STK3: variants seen among roughly 807,000 people sequenced by gnomAD.
STK3 encodes the protein serine/threonine kinase 3.
A neutral mutation model predicts 58.0 loss-of-function variants in STK3; 41 were observed. The observed-to-expected ratio is 0.71, with a 90% CI of 0.55 to 0.92. The LOEUF (loss-of-function observed/expected upper bound fraction) is 0.92. STK3 is among the 40% of genes least tolerant of loss of function. The probability of loss-of-function intolerance (pLI) is 0.00; values close to 1 mark genes in which losing one functional copy is unlikely to be tolerated. For missense variants in STK3, 479 were observed against 602.7 expected (o/e 0.79, Z 2.15); for synonymous variants, 170 against 191.0 (o/e 0.89, Z 0.91).
At chr8:98,515,423 G>T (rs954503678) in intron 10 of STK3, among the ~76,000 whole-genome samples, 7 of 152,040 alleles carry the variant, frequency 4.6e-5, no homozygotes, top group Non-Finnish European at 8.8e-5. Flanking sequence ...TGTGTTGCTG[G>T]CTAAGCCAAC....
chr8:98,886,632 T>A (rs533534557), intron 1 of STK3, among the ~76,000 whole-genome samples: 195 of 152,330 alleles, frequency 1.3e-3, no homozygotes, highest in African/African-American at 4.3e-3. Context: ...TATACTACTT[T>A]TATAATGTAA....
At chr8:98,350,576 T>A in the STK3 span, among the ~76,000 whole-genome samples, 1 of 152,210 alleles carries the variant, frequency 6.6e-6, no homozygotes, top group Non-Finnish European at 1.5e-5. Context: ...TACCTGAGAC[T>A]GGGAAATTTA....
chr8:98,549,262 C>A (rs1810971658), intron 8 of STK3, among the ~76,000 whole-genome samples: 1 of 152,206 alleles, frequency 6.6e-6, no homozygotes, highest in African/African-American at 2.4e-5. Flanking sequence ...TCCTTGGCAA[C>A]ACTTGTTATT....
chr8:98,656,804 A>T (rs979934517), intron 6 of STK3, among the ~76,000 whole-genome samples: 5 of 152,080 alleles, frequency 3.3e-5, no homozygotes, highest in African/African-American at 1.2e-4. Flanking sequence ...CAAGGCCTCA[A>T]TTCTGATTCA....
At chr8:98,482,797 G>A (rs145274645) in intron 10 of STK3, among the ~76,000 whole-genome samples, 5 of 152,072 alleles carry the variant, frequency 3.3e-5, no homozygotes, top group East Asian at 1.9e-4. Context: ...GTGAGGTGCC[G>A]TATTTCTAAG....
At chr8:98,939,189 T>C (rs1211158276) in intron 1 of STK3, among the ~76,000 whole-genome samples, 1 of 152,138 alleles carries the variant, frequency 6.6e-6, no homozygotes, top group Non-Finnish European at 1.5e-5. Flanking sequence ...GCGTGCATTC[T>C]CTCGAGTGAA....
chr8:98,456,124 T>A, intron 10 of STK3, 124 bp from the exon 11 acceptor site: 1 of 1,001,586 alleles, frequency 1.0e-6, no homozygotes, highest in South Asian at 1.8e-5. Flanking sequence ...ATTCTTTACA[T>A]CATCTTTGAA....
chr8:98,918,492 G>A (rs778219792), intron 1 of STK3, among the ~76,000 whole-genome samples: 6 of 152,146 alleles, frequency 3.9e-5, no homozygotes, highest in East Asian at 1.9e-4. Context: ...AAAGAAGATC[G>A]GGTGTGGTGG....
At chr8:98,693,578 A>C (rs555450606) in intron 6 of STK3, among the ~76,000 whole-genome samples, 41 of 152,112 alleles carry the variant, frequency 2.7e-4, no homozygotes, top group Non-Finnish European at 3.8e-4. Flanking sequence ...CAGTCCTGCC[A>C]ACACTTTGAT....
At chr8:98,922,435 T>C (rs1397275180) in intron 1 of STK3, among the ~76,000 whole-genome samples, 1 of 152,238 alleles carries the variant, frequency 6.6e-6, no homozygotes, top group African/African-American at 2.4e-5. Context: ...ACAATTAGTC[T>C]CATTTTATTT....
At chr8:98,663,338 T>A in intron 6 of STK3, among the ~76,000 whole-genome samples, 1 of 152,136 alleles carries the variant, frequency 6.6e-6, no homozygotes, top group East Asian at 1.9e-4. Flanking sequence ...CTCACACCAG[T>A]TAGAATGGCA....
chr8:98,766,875 C>A lies in STK3; in HGVS notation c.236+368G>T, dbSNP rs568310797. On this transcript the variant is annotated intron_variant, in intron 3 of 10. Transcript: ENST00000419617. ...TGGTAGCTCACGCCTGTAATCCCAG[C>A]ACTTTGGGAGGCCAAGGCGGGTGGA... Among the ~76,000 whole-genome samples, 243 of 152,282 alleles carry A rather than the reference C, an allele frequency of 1.6e-3. 1 individual carries two copies. The highest frequency in any genetic ancestry group is 5.3e-3 in the African/African-American group (220 of 41,548).
At chr8:98,933,153 A>C (rs1287931002) in intron 1 of STK3, among the ~76,000 whole-genome samples, 1 of 152,200 alleles carries the variant, frequency 6.6e-6, no homozygotes, top group African/African-American at 2.4e-5. Flanking sequence ...TTGTATTCTA[A>C]AGAGTCAGCA....
intron 7 of STK3, among the ~76,000 whole-genome samples, chr8:98,585,276 G>A (rs1175901959): frequency 1.3e-5 from 2 of 152,126 alleles, no homozygotes. Context: ...TTTTGTATAA[G>A]GTGTAAGGAA....
intron 6 of STK3, among the ~76,000 whole-genome samples, chr8:98,656,511 T>C (rs1821543041): frequency 6.6e-6 from 1 of 151,974 alleles, no homozygotes; most frequent in Non-Finnish European, 1.5e-5. Context: ...CTTTTTTATA[T>C]ACTTTATATT....
At chr8:98,549,365 G>C (rs1305658672) in intron 8 of STK3, among the ~76,000 whole-genome samples, 1 of 152,120 alleles carries the variant, frequency 6.6e-6, no homozygotes, top group Non-Finnish European at 1.5e-5. Context: ...TACTGATGTT[G>C]AGCAATCTTT....
intron 3 of STK3, among the ~76,000 whole-genome samples, chr8:98,837,258 T>C (rs1389506244): frequency 6.6e-6 from 1 of 150,782 alleles, no homozygotes; most frequent in African/African-American, 2.4e-5. Flanking sequence ...TATATATTCA[T>C]GAAAGAGTAA....
At chr8:98,818,997 T>C (rs978661460) in intron 1 of STK3, among the ~76,000 whole-genome samples, 3 of 152,150 alleles carry the variant, frequency 2.0e-5, no homozygotes, top group Non-Finnish European at 4.4e-5. Context: ...ATTTTTTGTA[T>C]TTTGTTTAGT....
At position 98,458,114 on chromosome 8, in the gene STK3, TACAC is replaced by T. The variant is rs34309401; in HGVS notation, c.1318-2118_1318-2115del. Among the ~76,000 whole-genome samples, 174 of 150,244 alleles carry T rather than the reference TACAC, an allele frequency of 1.2e-3. 1 individual carries two copies. Among genetic ancestry groups the T allele is most frequent in the Admixed American group, 3.4e-3 (51 of 15,088 alleles). ...TCTCAATATCACATACACACACATA[TACAC>T]ACACACACACACACACATGTGCACA... On this transcript the variant is annotated intron_variant, in intron 10 of 10. Transcript: ENST00000419617.
Sources: gnomAD v4.1 joint callset for allele counts (sites outside exome capture counted in the v4.1 genomes callset) on GRCh38, gnomAD v4.1.1 for gene constraint, MANE v1.5 for transcripts, NCBI Gene and HGNC (gene_info 2026-07-23, HGNC 2026-07-21) for gene names.